TDRD10: variants seen among roughly 807,000 people sequenced by gnomAD.
The protein encoded by TDRD10 is tudor domain-containing protein 10.
Under a neutral mutation model 48.0 loss-of-function variants are expected in TDRD10, and 40 were observed. That is an observed-to-expected ratio of 0.83 (90% CI 0.65 to 1.09). TDRD10 has a LOEUF of 1.09. TDRD10 is among the 50% of genes least tolerant of loss of function. The probability of loss-of-function intolerance (pLI) is 0.00; values close to 1 mark genes in which losing one functional copy is unlikely to be tolerated. For missense variants in TDRD10, 378 were observed against 434.7 expected (o/e 0.87, Z 1.16); for synonymous variants, 162 against 170.4 (o/e 0.95, Z 0.38).
At chr1:154,507,208 G>A (rs774833353) in intron 2 of TDRD10, 33 bp from the exon 3 acceptor site, 1 of 1,613,486 alleles carries the variant, frequency 6.2e-7, no homozygotes, top group Non-Finnish European at 8.5e-7. Flanking sequence ...GTCTGAGCTT[G>A]GGAGGTTCGA....
chr1:154,544,469 G>A lies in TDRD10; in HGVS notation c.749G>A (p.Arg250His), dbSNP rs369618965. 240 of 1,613,506 alleles carry A rather than the reference G, an allele frequency of 1.5e-4. 3 individuals carry two copies. In the South Asian group the frequency reaches 1.9e-3, roughly 13 times the overall value. ...GGCTCCACCGTTATGCGCGGGACTCGCTGTCTGGCAGAGTACCACCTGGGG... is the reference window on the plus strand; with the variant it reads ...GGCTCCACCGTTATGCGCGGGACTCACTGTCTGGCAGAGTACCACCTGGGG... ...LEGSTVMRGT[R>H]CLAEYHLGDY... The change falls in exon 10 of 13, where the codon CGC (arginine) becomes CAC (histidine). Residue 250 changes from arginine to histidine, a missense_variant. By Grantham distance (29) the Arg-to-His change is conservative. This residue lies in a region of TDRD10 where 310 missense variants were observed against 323.6 expected (regional missense o/e 0.96). Coordinates refer to ENST00000368482, the MANE Select transcript of TDRD10 (RefSeq NM_182499.4).
chr1:154,533,505 C>T (rs1043282666), intron 6 of TDRD10, among the ~76,000 whole-genome samples: 3 of 152,008 alleles, frequency 2.0e-5, no homozygotes, highest in African/African-American at 7.3e-5. Context: ...AGCCTGTTCC[C>T]TTCTCTCCAT....
chr1:154,545,875 A>G (rs1039021815), intron 11 of TDRD10, among the ~76,000 whole-genome samples: 1 of 146,756 alleles, frequency 6.8e-6, no homozygotes, highest in Non-Finnish European at 1.5e-5. Flanking sequence ...AGTTCACATA[A>G]TTCTCCCGCC....
intron 4 of TDRD10, among the ~76,000 whole-genome samples, chr1:154,511,709 G>A (rs1693484699): frequency 6.6e-6 from 1 of 151,908 alleles, no homozygotes; most frequent in Non-Finnish European, 1.5e-5. Context: ...TTAGCTGGGA[G>A]TGGTGGTGCG....
At chr1:154,530,867 T>A (rs1289079736) in intron 6 of TDRD10, among the ~76,000 whole-genome samples, 1 of 66,040 alleles carries the variant, frequency 1.5e-5, no homozygotes, top group Admixed American at 1.3e-4. Context: ...TCAGTTTAAA[T>A]TTTTTTTTTT....
At chr1:154,514,493 G>C (rs1030250035) in intron 4 of TDRD10, among the ~76,000 whole-genome samples, 1 of 152,162 alleles carries the variant, frequency 6.6e-6, no homozygotes, top group African/African-American at 2.4e-5. Context: ...GGGGGTGCTG[G>C]TAGAAGCATG....
Position 154,542,730 on chromosome 1 carries a change from G to C in TDRD10, c.413-1G>C. 1 of 1,612,926 alleles carries C rather than the reference G, an allele frequency of 6.2e-7. No individual in the cohort carries two copies. The highest frequency in any genetic ancestry group is 1.1e-5 in the South Asian group (1 of 91,002). On this transcript the variant is annotated splice_acceptor_variant, in intron 7 of 12. Coordinates refer to ENST00000368482, the MANE Select transcript of TDRD10 (RefSeq NM_182499.4). LOFTEE classifies it high-confidence loss of function. ...CCAGGACTTAGTCTTCTGCTTTCTA[G>C]CTATTATACAGCTCGCTCCTAAAGC...
At chr1:154,508,307 G>A (rs1325134985) in intron 3 of TDRD10, 116 bp from the exon 4 acceptor site, 1 of 730,264 alleles carries the variant, frequency 1.4e-6, no homozygotes, top group African/African-American at 1.8e-5. Context: ...TTGAGCCCAG[G>A]AATTTGAGAC....
chr1:154,542,083 C>T lies in TDRD10; in HGVS notation c.412+17C>T, dbSNP rs551872033. On this transcript the variant is annotated intron_variant, in intron 7 of 12. Transcript: ENST00000368482. Reference sequence around the variant, plus strand: ...AAACCGCCGGTGAGATTCTGCGCTGCCATCCTTTCCCAGGATGTGGCTTTG... The same window carrying T: ...AAACCGCCGGTGAGATTCTGCGCTGTCATCCTTTCCCAGGATGTGGCTTTG... 4 of 1,613,508 alleles carry T rather than the reference C, an allele frequency of 2.5e-6. No individual in the cohort carries two copies. The East Asian group carries it at 8.9e-5, about 36-fold the overall frequency.
At chr1:154,525,269 T>C (rs1361640040) in intron 6 of TDRD10, among the ~76,000 whole-genome samples, 1 of 152,204 alleles carries the variant, frequency 6.6e-6, no homozygotes, top group Non-Finnish European at 1.5e-5. Flanking sequence ...TTTTTTTCTC[T>C]TGGGATAAAG....
At chr1:154,535,379 AAAAG>A (rs1041997000) in intron 6 of TDRD10, among the ~76,000 whole-genome samples, 22 of 150,750 alleles carry the variant, frequency 1.5e-4, no homozygotes, top group East Asian at 7.8e-4. Flanking sequence ...GAAAAAAAAA[AAAAG>A]AGAGAGAGAA....
intron 6 of TDRD10, among the ~76,000 whole-genome samples, chr1:154,536,986 C>T (rs1010045667): frequency 7.2e-5 from 11 of 152,148 alleles, no homozygotes; most frequent in African/African-American, 1.9e-4. Flanking sequence ...TCTGGCAGTC[C>T]GGGGAAGAGA....
At chr1:154,523,535 G>T (rs895273718) in intron 6 of TDRD10, among the ~76,000 whole-genome samples, 2 of 152,142 alleles carry the variant, frequency 1.3e-5, no homozygotes, top group Non-Finnish European at 2.9e-5. Flanking sequence ...TAGTAGCAAG[G>T]CTCTACAGCC....
At chr1:154,547,323 G>A in intron 11 of TDRD10, 86 bp from the exon 12 acceptor site, 3 of 1,419,900 alleles carry the variant, frequency 2.1e-6, no homozygotes, top group Non-Finnish European at 2.9e-6. Context: ...CACTTTCCCT[G>A]CAGCCCCCGC....
chr1:154,525,995 A>T (rs1694297810), intron 6 of TDRD10, among the ~76,000 whole-genome samples: 1 of 149,728 alleles, frequency 6.7e-6, no homozygotes. Flanking sequence ...CAAGGTCAGG[A>T]GTTTGAGACC....
At position 154,545,214 on chromosome 1, in the gene TDRD10, G is replaced by A. The variant is rs1347033101; in HGVS notation, c.952+265G>A. 2.6e-5 allele frequency among the ~76,000 whole-genome samples: 4 copies of A among 152,266 alleles called. No individual in the cohort carries two copies. The East Asian group carries it at 7.7e-4, about 29-fold the overall frequency. On this transcript the variant is annotated intron_variant, in intron 11 of 12. Transcript: ENST00000368482. ...GTTCTCTGGAAGGGGAGAGAAGAGG[G>A]CAGATTTCCCACCCCTGCTTCCACC... is the stretch of plus-strand genomic sequence containing the variant.
intron 6 of TDRD10, among the ~76,000 whole-genome samples, chr1:154,536,625 T>C (rs1180569557): frequency 6.6e-6 from 1 of 152,252 alleles, no homozygotes; most frequent in African/African-American, 2.4e-5. Flanking sequence ...ATGTAACCAC[T>C]GTCACAATCA....
chr1:154,518,582 C>A (rs1425957549), intron 4 of TDRD10, among the ~76,000 whole-genome samples: 1 of 152,164 alleles, frequency 6.6e-6, no homozygotes, highest in Non-Finnish European at 1.5e-5. Flanking sequence ...TGCCCGCCAC[C>A]ACGCCCGGCT....
At chr1:154,509,695 C>A in intron 4 of TDRD10, 1 of 367,588 alleles carries the variant, frequency 2.7e-6, no homozygotes, top group Non-Finnish European at 3.8e-6. Flanking sequence ...CATTGTGATC[C>A]AATAAATGAA....
Sources: allele counts gnomAD v4.1 joint callset (sites outside exome capture counted in the v4.1 genomes callset), GRCh38; gene constraint gnomAD v4.1.1; regional missense constraint gnomAD v4.1.1; transcripts MANE v1.5; gene names NCBI Gene and HGNC (gene_info 2026-07-23, HGNC 2026-07-21).